Variants in AGPAT4 observed in about 807,000 individuals in gnomAD.
The protein encoded by AGPAT4 is 1-acylglycerol-3-phosphate O-acyltransferase 4.
A neutral mutation model predicts 48.0 loss-of-function variants in AGPAT4; 15 were observed. That is an observed-to-expected ratio of 0.31 (90% CI 0.21 to 0.48). The LOEUF (loss-of-function observed/expected upper bound fraction) is 0.48, where lower values mean the gene tolerates loss of function less well. Among genes scored for constraint, AGPAT4 ranks in the 20% least tolerant of loss-of-function variants. The pLI is 0.99. For synonymous variants in AGPAT4, 178 were observed against 198.7 expected (o/e 0.90, Z 0.88); for missense variants, 314 against 482.5 (o/e 0.65, Z 3.27).
At position 161,215,685 on chromosome 6, in the gene AGPAT4, A is replaced by G. The variant is rs1464874016; in HGVS notation, c.178+16351T>C. Among the ~76,000 whole-genome samples the G allele has an allele frequency of 6.6e-6, 1 of 151,818 alleles. No individual in the cohort carries two copies. The highest frequency in any genetic ancestry group is 2.4e-5 in the African/African-American group (1 of 41,412). On this transcript the variant is annotated intron_variant, in intron 2 of 8. Coordinates refer to ENST00000320285, the MANE Select transcript of AGPAT4 (RefSeq NM_020133.3). This position sits in a 1 kb window ranked among gnomAD's most constrained non-coding sequence, Gnocchi z 4.5. ...AGGGGTATATCTGCTTGAACCACAC[A>G]GTAGAATAACCTCCCTTACCATAAA... is the stretch of plus-strand genomic sequence containing the variant.
In AGPAT4 at chr6:161,264,225, T is replaced by C. The variant is rs752678033; in HGVS notation, c.-90+9713A>G. Among the ~76,000 whole-genome samples, 5 of 152,160 alleles carry C rather than the reference T, an allele frequency of 3.3e-5. No individual in the cohort carries two copies. Among genetic ancestry groups the C allele is most frequent in the Non-Finnish European group, 7.3e-5 (5 of 68,034 alleles). On this transcript the variant is annotated intron_variant, in intron 1 of 8. Coordinates refer to ENST00000320285, the MANE Select transcript of AGPAT4 (RefSeq NM_020133.3). This position sits in a 1 kb window ranked among gnomAD's most constrained non-coding sequence, Gnocchi z 6.8. Reference sequence around the variant, plus strand: ...CTATCTCAGGGCGTCAAAGACACCCTCCATACAACAAGTTACCAAACCCTC... The same window carrying C: ...CTATCTCAGGGCGTCAAAGACACCCCCCATACAACAAGTTACCAAACCCTC...
At chr6:161,250,367 AGTT>A (rs1265656327) in intron 1 of AGPAT4, among the ~76,000 whole-genome samples, 1 of 152,334 alleles carries the variant, frequency 6.6e-6, no homozygotes. Flanking sequence ...AATATACAGT[AGTT>A]GAGATTTTAT....
Position 161,208,112 on chromosome 6 carries a change from A to C in AGPAT4, c.178+23924T>G, listed in dbSNP as rs1781427423. Among the ~76,000 whole-genome samples, 1 of 152,188 alleles carries C rather than the reference A, an allele frequency of 6.6e-6. No individual in the cohort carries two copies. The highest frequency in any genetic ancestry group is 1.5e-5 in the Non-Finnish European group (1 of 68,028). The stretch of plus-strand genomic sequence containing the variant: ...AATCCTGTTAGTCTTGTTCAAAACA[A>C]GGCTAGGCTGAGTTCCAATTCTAAT... On this transcript the variant is annotated intron_variant, in intron 2 of 8. Coordinates refer to ENST00000320285, the MANE Select transcript of AGPAT4 (RefSeq NM_020133.3). The surrounding 1 kb of genome is among the most constrained non-coding windows in gnomAD (Gnocchi z 4.6).
At chr6:161,258,579 GT>G (rs1207854191) in intron 1 of AGPAT4, among the ~76,000 whole-genome samples, 12 of 152,102 alleles carry the variant, frequency 7.9e-5, no homozygotes, top group Non-Finnish European at 7.3e-5. Flanking sequence ...AAACAGGAGA[GT>G]TCTCTTATCT....
chr6:161,269,192 C>T (rs1236164233), intron 1 of AGPAT4, among the ~76,000 whole-genome samples: 1 of 152,172 alleles, frequency 6.6e-6, no homozygotes, highest in Admixed American at 6.5e-5. Context: ...TTGAGAGATT[C>T]TCTCTCTCAG....
rs1780724531 is a variant in AGPAT4 at position 161,184,914 on chromosome 6, C to CA, written c.179-18498dup. On this transcript the variant is annotated intron_variant, in intron 2 of 8. Coordinates refer to ENST00000320285, the MANE Select transcript of AGPAT4 (RefSeq NM_020133.3). This position sits in a 1 kb window ranked among gnomAD's most constrained non-coding sequence, Gnocchi z 4.8. Reference sequence around the variant, plus strand: ...GCACCCATACATAACTTCTAGTTTACAGGCAGGTCAAGAGGGAGGAGTAGG... The same window carrying CA: ...GCACCCATACATAACTTCTAGTTTACAAGGCAGGTCAAGAGGGAGGAGTAGG... Among the ~76,000 whole-genome samples, 2 of 152,058 alleles carry CA rather than the reference C, an allele frequency of 1.3e-5. No individual in the cohort carries two copies.
Position 161,242,179 on chromosome 6 carries a change from C to T in AGPAT4, c.-89-9877G>A, listed in dbSNP as rs761841304. 6.6e-6 allele frequency among the ~76,000 whole-genome samples: 1 copy of T among 152,166 alleles called. No individual in the cohort carries two copies. The highest frequency in any genetic ancestry group is 2.4e-5 in the African/African-American group (1 of 41,436). ...TATTGCCATTCTCACATTATAGATG[C>T]GAAAACCGAGGTTTAGTTAGAGGAG... On this transcript the variant is annotated intron_variant, in intron 1 of 8. Transcript: ENST00000320285. The surrounding 1 kb of genome is among the most constrained non-coding windows in gnomAD (Gnocchi z 5.0).
In AGPAT4 at chr6:161,232,365, A is replaced by C; in HGVS notation, c.-89-63T>G. The C allele has an allele frequency of 4.1e-6, 3 of 734,560 alleles. No homozygotes were observed. In the South Asian group the frequency reaches 6.3e-5, roughly 15 times the overall value. 45.5% of individuals were successfully genotyped at this position (734,560 alleles called of 1,614,324 possible). A position where few individuals can be genotyped will look rare whatever the true frequency, so the allele number is the denominator to read the frequency against. The stretch of plus-strand genomic sequence containing the variant: ...CGATGTGCTTTTAGAGTCAGAAAAA[A>C]AGTGCTCTGAAAAGAAAAATATACA... On this transcript the variant is annotated intron_variant, in intron 1 of 8. Transcript: ENST00000320285. This position sits in a 1 kb window ranked among gnomAD's most constrained non-coding sequence, Gnocchi z 6.8.
In AGPAT4 at chr6:161,259,726, G is replaced by T. The variant is rs1225861454; in HGVS notation, c.-90+14212C>A. On this transcript the variant is annotated intron_variant, in intron 1 of 8. Coordinates refer to ENST00000320285, the MANE Select transcript of AGPAT4 (RefSeq NM_020133.3). This position sits in a 1 kb window ranked among gnomAD's most constrained non-coding sequence, Gnocchi z 4.9. ...CCCAGGAGGACTCTCTGGCTGAGTGGCACCTTGAGCTTACCAACAGGGCAA... is the reference window on the plus strand; with the variant it reads ...CCCAGGAGGACTCTCTGGCTGAGTGTCACCTTGAGCTTACCAACAGGGCAA... Among the ~76,000 whole-genome samples the T allele has an allele frequency of 1.3e-5, 2 of 152,098 alleles. No individual in the cohort carries two copies. Among genetic ancestry groups the T allele is most frequent in the African/African-American group, 4.8e-5 (2 of 41,422 alleles).
In AGPAT4 at chr6:161,230,000, T is replaced by C. The variant is rs1430713020; in HGVS notation, c.178+2036A>G. On this transcript the variant is annotated intron_variant, in intron 2 of 8. Transcript: ENST00000320285. The surrounding 1 kb of genome is among the most constrained non-coding windows in gnomAD (Gnocchi z 6.0). ...CCCGGCATTGAGATGCCAGTTGTCT[T>C]AGATGGTTAATTCTTGAGTTTCATT... 6.6e-6 allele frequency among the ~76,000 whole-genome samples: 1 copy of C among 152,220 alleles called. No individual in the cohort carries two copies. Among genetic ancestry groups the C allele is most frequent in the East Asian group, 1.9e-4 (1 of 5,200 alleles).
chr6:161,194,577 T>G (rs918510154), intron 2 of AGPAT4, among the ~76,000 whole-genome samples: 4 of 146,500 alleles, frequency 2.7e-5, no homozygotes, highest in Non-Finnish European at 5.9e-5. Flanking sequence ...TGTGTATGTG[T>G]GTATATATGT....
At position 161,214,383 on chromosome 6, in the gene AGPAT4, A is replaced by G. The variant is rs1781589521; in HGVS notation, c.178+17653T>C. The stretch of plus-strand genomic sequence containing the variant: ...TGTCTCAAATTTTGGGGGTTTCAGA[A>G]GCCTGTTGCTCCTAGGCTGCTCACC... On this transcript the variant is annotated intron_variant, in intron 2 of 8. Transcript: ENST00000320285. The surrounding 1 kb of genome is among the most constrained non-coding windows in gnomAD (Gnocchi z 5.4). 6.6e-6 allele frequency among the ~76,000 whole-genome samples: 1 copy of G among 152,186 alleles called. No homozygotes were observed.
At chr6:161,194,443 T>TG (rs1781005667) in intron 2 of AGPAT4, among the ~76,000 whole-genome samples, 1 of 136,882 alleles carries the variant, frequency 7.3e-6, no homozygotes, top group Non-Finnish European at 1.5e-5. Flanking sequence ...TGTGTGTGTG[T>TG]TTGTGTGTGT....
intron 7 of AGPAT4, among the ~76,000 whole-genome samples, chr6:161,145,593 CTGT>C (rs760890365): frequency 1.3e-5 from 2 of 151,630 alleles, no homozygotes; most frequent in Non-Finnish European, 2.9e-5. Context: ...ATACTAGAGT[CTGT>C]TAAGAGTCTT....
rs149817465 is a variant in AGPAT4 at position 161,223,993 on chromosome 6, C to A, written c.178+8043G>T. On this transcript the variant is annotated intron_variant, in intron 2 of 8. Coordinates refer to ENST00000320285, the MANE Select transcript of AGPAT4 (RefSeq NM_020133.3). This position sits in a 1 kb window ranked among gnomAD's most constrained non-coding sequence, Gnocchi z 6.3. ...GTTGTTCCTCTTAGCCTGCACGGAT[C>A]GTGATTCTTTTATTTTTCTCCCATC... Among the ~76,000 whole-genome samples the A allele has an allele frequency of 1.3e-5, 2 of 152,164 alleles. No homozygotes were observed. The highest frequency in any genetic ancestry group is 4.8e-5 in the African/African-American group (2 of 41,424).
At position 161,240,884 on chromosome 6, in the gene AGPAT4, C is replaced by T. The variant is rs1244202160; in HGVS notation, c.-89-8582G>A. 1.3e-5 allele frequency among the ~76,000 whole-genome samples: 2 copies of T among 152,132 alleles called. No individual in the cohort carries two copies. Among genetic ancestry groups the T allele is most frequent in the African/African-American group, 4.8e-5 (2 of 41,416 alleles). On this transcript the variant is annotated intron_variant, in intron 1 of 8. Coordinates refer to ENST00000320285, the MANE Select transcript of AGPAT4 (RefSeq NM_020133.3). The surrounding 1 kb of genome is among the most constrained non-coding windows in gnomAD (Gnocchi z 5.5). ...CCTTAGAGTTCAGTTGGCCTAATTC[C>T]TACAACCAAACAGGAGAGAAAGTAT...
At position 161,270,977 on chromosome 6, in the gene AGPAT4, A is replaced by T. The variant is rs1446174932; in HGVS notation, c.-90+2961T>A. On this transcript the variant is annotated intron_variant, in intron 1 of 8. Coordinates refer to ENST00000320285, the MANE Select transcript of AGPAT4 (RefSeq NM_020133.3). The surrounding 1 kb of genome is among the most constrained non-coding windows in gnomAD (Gnocchi z 5.3). ...TCCTGGTTGCGTCTTCCCCAGTTTC[A>T]TACCTGTTTAAAGTCTAGTGTAAGT... Among the ~76,000 whole-genome samples, 1 of 152,200 alleles carries T rather than the reference A, an allele frequency of 6.6e-6. No homozygotes were observed. Among genetic ancestry groups the T allele is most frequent in the East Asian group, 1.9e-4 (1 of 5,198 alleles).
Position 161,225,497 on chromosome 6 carries a change from C to T in AGPAT4, c.178+6539G>A, listed in dbSNP as rs138707155. On this transcript the variant is annotated intron_variant, in intron 2 of 8. Coordinates refer to ENST00000320285, the MANE Select transcript of AGPAT4 (RefSeq NM_020133.3). The surrounding 1 kb of genome is among the most constrained non-coding windows in gnomAD (Gnocchi z 5.0). ...TCGAGTGCTATTTCTTTTGCAGCAC[C>T]GAAACTTTATTTATAACAATTCCCT... Among the ~76,000 whole-genome samples, 548 of 152,238 alleles carry T rather than the reference C, an allele frequency of 3.6e-3. 5 individuals carry two copies. Among genetic ancestry groups the T allele is most frequent in the African/African-American group, 0.013 (537 of 41,522 alleles).
rs765739485 is a variant in AGPAT4 at position 161,262,236 on chromosome 6, C to T, written c.-90+11702G>A. ...AAAAAATGAGCCTGAATTGGTTGGTCCAAGGTGGGGCCCAGGAAGTCCTTT... is the reference window on the plus strand; with the variant it reads ...AAAAAATGAGCCTGAATTGGTTGGTTCAAGGTGGGGCCCAGGAAGTCCTTT... On this transcript the variant is annotated intron_variant, in intron 1 of 8. Transcript: ENST00000320285. This position sits in a 1 kb window ranked among gnomAD's most constrained non-coding sequence, Gnocchi z 4.9. Among the ~76,000 whole-genome samples, 1 of 152,094 alleles carries T rather than the reference C, an allele frequency of 6.6e-6. No homozygotes were observed. The highest frequency in any genetic ancestry group is 1.5e-5 in the Non-Finnish European group (1 of 68,034).
Sources: allele counts gnomAD v4.1 joint callset (sites outside exome capture counted in the v4.1 genomes callset), GRCh38; gene constraint gnomAD v4.1.1; non-coding constraint Gnocchi (gnomAD v3.1); transcripts MANE v1.5; gene names NCBI Gene and HGNC (gene_info 2026-07-23, HGNC 2026-07-21).